The following BAZ2B variants were observed in gnomAD, a reference collection of about 807,000 sequenced individuals.
The protein encoded by BAZ2B is bromodomain adjacent to zinc finger domain protein 2B.
Under a neutral mutation model 246.0 loss-of-function variants are expected in BAZ2B, and 91 were observed. That is an observed-to-expected ratio of 0.37 (90% CI 0.31 to 0.44). The LOEUF is 0.44. Among genes scored for constraint, BAZ2B ranks in the 20% least tolerant of loss-of-function variants. The probability of loss-of-function intolerance (pLI) is 1.00; values close to 1 mark genes in which losing one functional copy is unlikely to be tolerated. For missense variants in BAZ2B, 2,332 were observed against 2,533.7 expected, an observed-to-expected ratio of 0.92 and a Z score of 1.71; for synonymous variants, 855 against 860.0, an observed-to-expected ratio of 0.99 and a Z score of 0.10.
chr2:159,530,842 T>C (rs995591310), intron 2 of BAZ2B, among the ~76,000 whole-genome samples: 1 of 152,072 alleles, frequency 6.6e-6, no homozygotes, highest in East Asian at 1.9e-4. Flanking sequence ...TGGTGCCGCA[T>C]GCCTGTAATC....
chr2:159,558,534 A>G (rs2089480299), intron 1 of BAZ2B, among the ~76,000 whole-genome samples: 1 of 152,162 alleles, frequency 6.6e-6, no homozygotes, highest in Non-Finnish European at 1.5e-5. Flanking sequence ...TGCTGAGATT[A>G]CAGGCGTGAG....
chr2:159,479,766 TA>T (rs1209556454), intron 2 of BAZ2B, among the ~76,000 whole-genome samples: 2 of 152,160 alleles, frequency 1.3e-5, no homozygotes, highest in Non-Finnish European at 2.9e-5. Flanking sequence ...ATTTTTCTCA[TA>T]AGATAAGATA....
At chr2:159,548,326 G>A (rs2087664281) in intron 2 of BAZ2B, among the ~76,000 whole-genome samples, 1 of 151,998 alleles carries the variant, frequency 6.6e-6, no homozygotes, top group Admixed American at 6.6e-5. Flanking sequence ...TTTTAAAATT[G>A]ACTATAACTC....
chr2:159,626,582 A>G, the BAZ2B span, among the ~76,000 whole-genome samples: 2 of 152,202 alleles, frequency 1.3e-5, no homozygotes, highest in Non-Finnish European at 2.9e-5. Flanking sequence ...GTAAATAACA[A>G]CATTAAGGCA....
intron 18 of BAZ2B, 135 bp from the exon 19 acceptor site, chr2:159,397,524 A>T (rs902665548): frequency 2.1e-5 from 10 of 478,408 alleles, no homozygotes; most frequent in Non-Finnish European, 7.4e-6. Flanking sequence ...ATATTCAATT[A>T]TTTTTTATTT....
intron 1 of BAZ2B, among the ~76,000 whole-genome samples, chr2:159,559,320 C>T (rs1209900691): frequency 6.6e-6 from 1 of 151,902 alleles, no homozygotes; most frequent in Non-Finnish European, 1.5e-5. Context: ...AAGGACCTAC[C>T]TGCCTAACAT....
the BAZ2B span, among the ~76,000 whole-genome samples, chr2:159,687,112 G>T: frequency 6.6e-6 from 1 of 151,576 alleles, no homozygotes; most frequent in East Asian, 1.9e-4. Flanking sequence ...ACTGAGAAGG[G>T]TGTATTATAC....
At chr2:159,479,104 A>C (rs2078960248) in intron 2 of BAZ2B, among the ~76,000 whole-genome samples, 1 of 152,276 alleles carries the variant, frequency 6.6e-6, no homozygotes, top group African/African-American at 2.4e-5. Flanking sequence ...TTAAAAAAAA[A>C]CACCACCACA....
chr2:159,582,076 C>T (rs1044221934), intron 1 of BAZ2B, among the ~76,000 whole-genome samples: 4 of 151,602 alleles, frequency 2.6e-5, no homozygotes, highest in African/African-American at 9.7e-5. Flanking sequence ...AAAAAAAATG[C>T]TTACACATCA....
rs1238405702 is a variant in BAZ2B at position 159,478,635 on chromosome 2, C to G, written c.85G>C (p.Val29Leu). ...CCAGTGGAAAGGCCACCTTTTGAAA[C>G]TACTGAAGCCACAGAAGGTGTCGAA... ...SSSTPSVASV[V>L]SKGGLSTGVA... The change falls in exon 3 of 37, where the codon GTT (valine) becomes CTT (leucine). Residue 29 changes from valine (V) to leucine (L), a missense_variant. Transcript: ENST00000392783. 1 of 1,611,564 alleles carries G rather than the reference C, an allele frequency of 6.2e-7. No homozygotes were observed. The highest frequency in any genetic ancestry group is 1.3e-5 in the African/African-American group (1 of 74,816).
intron 33 of BAZ2B, among the ~76,000 whole-genome samples, chr2:159,334,273 G>C (rs936126455): frequency 6.6e-6 from 1 of 152,102 alleles, no homozygotes; most frequent in Non-Finnish European, 1.5e-5. Context: ...AAAAATTATA[G>C]TAATAGCTCA....
chr2:159,406,713 A>G (rs542699824), intron 14 of BAZ2B, among the ~76,000 whole-genome samples: 1 of 152,210 alleles, frequency 6.6e-6, no homozygotes, highest in East Asian at 1.9e-4. Context: ...AATTTCCACC[A>G]TTTATTGATC....
intron 2 of BAZ2B, among the ~76,000 whole-genome samples, chr2:159,496,058 C>T (rs928406736): frequency 4.6e-5 from 7 of 150,628 alleles, no homozygotes; most frequent in Middle Eastern, 3.4e-3. Context: ...CATGAGCCAC[C>T]GCGCCCAGCC....
chr2:159,423,841 T>C (rs2069240557), intron 13 of BAZ2B, among the ~76,000 whole-genome samples: 1 of 152,158 alleles, frequency 6.6e-6, no homozygotes, highest in East Asian at 1.9e-4. Flanking sequence ...ATGTGAACAG[T>C]AGACACTGGA....
intron 2 of BAZ2B, among the ~76,000 whole-genome samples, chr2:159,514,996 G>A (rs186218033): frequency 2.6e-4 from 39 of 152,072 alleles, no homozygotes; most frequent in Admixed American, 1.4e-3. Context: ...TAAGCATTAT[G>A]TGAAAGAAAC....
chr2:159,621,101 G>A (rs1399750447), upstream of BAZ2B, among the ~76,000 whole-genome samples: 3 of 152,212 alleles, frequency 2.0e-5, no homozygotes, highest in Non-Finnish European at 4.4e-5. Context: ...GCTTACAGTA[G>A]TTGCTGCAGT....
At chr2:159,528,565 C>T (rs1162194337) in intron 2 of BAZ2B, among the ~76,000 whole-genome samples, 1 of 151,798 alleles carries the variant, frequency 6.6e-6, no homozygotes, top group African/African-American at 2.4e-5. Context: ...TGCCTGTAAT[C>T]CCAGCTACTT....
rs553180264 is a variant in BAZ2B, at chr2:159,488,324, C to T, written c.-2-9603G>A. Reference sequence around the variant, plus strand: ...CTGACCTTAAGTGATCCACCCGCCTCGGCCTCCCAAAGTGCTGGGATTACA... The same window carrying T: ...CTGACCTTAAGTGATCCACCCGCCTTGGCCTCCCAAAGTGCTGGGATTACA... On this transcript the variant is annotated intron_variant, in intron 2 of 36. Transcript: ENST00000392783. 6.0e-4 allele frequency among the ~76,000 whole-genome samples: 92 copies of T among 152,204 alleles called. No individual in the cohort carries two copies. The South Asian group carries it at 0.01, about 17-fold the overall frequency.
chr2:159,420,399 T>C (rs961771948), intron 13 of BAZ2B, among the ~76,000 whole-genome samples: 2 of 152,250 alleles, frequency 1.3e-5, no homozygotes, highest in Non-Finnish European at 2.9e-5. Flanking sequence ...TACTTTTTTC[T>C]AAATGCAACA....
Sources: allele counts gnomAD v4.1 joint callset (sites outside exome capture counted in the v4.1 genomes callset), GRCh38; gene constraint gnomAD v4.1.1; transcripts MANE v1.5; gene names NCBI Gene and HGNC (gene_info 2026-07-23, HGNC 2026-07-21).